PSD3: variants seen among roughly 807,000 people sequenced by gnomAD.
The protein encoded by PSD3 is PH and SEC7 domain-containing protein 3.
A neutral mutation model predicts 105.5 loss-of-function variants in PSD3; 49 were observed. The observed-to-expected ratio is 0.46, with a 90% CI of 0.37 to 0.59. The LOEUF is 0.59. PSD3 is among the 20% of genes least tolerant of loss of function. The pLI, the probability that PSD3 is intolerant of heterozygous loss-of-function variation, is 0.00. For synonymous variants in PSD3, 557 were observed against 457.8 expected (o/e 1.22, Z -2.77); for missense variants, 1,561 against 1,263.8 (o/e 1.24, Z -3.57).
At chr8:18,604,002 A>G (rs1055602082) in intron 11 of PSD3, among the ~76,000 whole-genome samples, 6 of 152,204 alleles carry the variant, frequency 3.9e-5, no homozygotes, top group Non-Finnish European at 7.3e-5. Flanking sequence ...CAGTATGAAA[A>G]TGGACCAATA....
At chr8:18,542,350 G>T (rs997297497) in intron 15 of PSD3, among the ~76,000 whole-genome samples, 6 of 152,096 alleles carry the variant, frequency 3.9e-5, no homozygotes, top group Admixed American at 1.3e-4. Context: ...TTTACCTTTG[G>T]ATACATAATT....
chr8:18,556,991 G>T (rs1456978479), intron 14 of PSD3, among the ~76,000 whole-genome samples: 2 of 152,122 alleles, frequency 1.3e-5, no homozygotes, highest in East Asian at 3.9e-4. Context: ...AGCAATTATT[G>T]CCTTAGTAGC....
intron 1 of PSD3, among the ~76,000 whole-genome samples, chr8:18,995,039 A>T (rs184209641): frequency 8.6e-4 from 131 of 152,208 alleles, no homozygotes; most frequent in Non-Finnish European, 1.2e-3. Context: ...ATTTTCCACA[A>T]GCTGACAAAA....
intron 10 of PSD3, among the ~76,000 whole-genome samples, chr8:18,638,463 C>T (rs1477897537): frequency 2.0e-5 from 3 of 151,748 alleles, no homozygotes; most frequent in African/African-American, 4.8e-5. Context: ...AACCAACACA[C>T]AAAAAATGAG....
At chr8:18,612,630 A>T (rs1372237943) in intron 11 of PSD3, among the ~76,000 whole-genome samples, 1 of 152,122 alleles carries the variant, frequency 6.6e-6, no homozygotes, top group Non-Finnish European at 1.5e-5. Context: ...TCGGCCTCCC[A>T]AAGTGCTGGG....
intron 9 of PSD3, among the ~76,000 whole-genome samples, chr8:18,662,609 C>T (rs921417405): frequency 6.6e-6 from 1 of 152,150 alleles, no homozygotes; most frequent in Non-Finnish European, 1.5e-5. Context: ...ATTTACCTGG[C>T]CCTCATTTTC....
chr8:18,536,710 T>C (rs1301190738), intron 15 of PSD3, among the ~76,000 whole-genome samples: 1 of 152,240 alleles, frequency 6.6e-6, no homozygotes, highest in Admixed American at 6.5e-5. Flanking sequence ...CCTCCGTCTC[T>C]TGGATATCTA....
chr8:18,665,450 A>C (rs1445778872), intron 9 of PSD3, among the ~76,000 whole-genome samples: 2 of 152,254 alleles, frequency 1.3e-5, no homozygotes, highest in African/African-American at 4.8e-5. Context: ...ATGGTAAAAC[A>C]TGAACAGATG....
intron 9 of PSD3, among the ~76,000 whole-genome samples, chr8:18,679,393 G>A (rs1278052775): frequency 1.3e-5 from 2 of 152,230 alleles, no homozygotes; most frequent in Non-Finnish European, 1.5e-5. Context: ...AAAAGCAATG[G>A]ATTAGGCACT....
At chr8:18,759,753 C>G (rs547337244) in intron 9 of PSD3, among the ~76,000 whole-genome samples, 1 of 150,502 alleles carries the variant, frequency 6.6e-6, no homozygotes, top group Admixed American at 6.7e-5. Context: ...AATAACTGAC[C>G]TTCCACCCTT....
In PSD3 at chr8:19,061,734, G is replaced by C. The variant is rs945939788; in HGVS notation, c.324+22472C>G. On this transcript the variant is annotated intron_variant, in intron 1 of 1. Coordinates refer to the PSD3 transcript ENST00000521475. The stretch of plus-strand genomic sequence containing the variant: ...GCAGGAGAATCGCTTGACCCCAGGA[G>C]GCGGAGGTTGCAATGAGCCAAGATT... Among the ~76,000 whole-genome samples the C allele has an allele frequency of 9.2e-5, 14 of 151,934 alleles. No individual in the cohort carries two copies. In the East Asian group the frequency reaches 2.7e-3, roughly 29 times the overall value.
At chr8:18,860,320 T>C (rs1816343377) in intron 4 of PSD3, among the ~76,000 whole-genome samples, 1 of 151,884 alleles carries the variant, frequency 6.6e-6, no homozygotes, top group Non-Finnish European at 1.5e-5. Context: ...ATAACAGATA[T>C]AACAGTAATG....
At chr8:18,973,008 G>C (rs1181262269) in intron 1 of PSD3, among the ~76,000 whole-genome samples, 1 of 152,124 alleles carries the variant, frequency 6.6e-6, no homozygotes, top group Non-Finnish European at 1.5e-5. Context: ...TTCGAATTTG[G>C]ACAAAAATAA....
chr8:18,883,652 C>T (rs1046716691), intron 2 of PSD3, among the ~76,000 whole-genome samples: 27 of 152,136 alleles, frequency 1.8e-4, no homozygotes, highest in African/African-American at 6.5e-4. Flanking sequence ...AAGGACTTTC[C>T]AATTTTTAAA....
intron 14 of PSD3, 129 bp downstream of exon 14, chr8:18,572,399 G>T: frequency 8.9e-7 from 1 of 1,120,600 alleles, no homozygotes; most frequent in Non-Finnish European, 1.3e-6. Context: ...TCATTTATAT[G>T]ATACGCTCTC....
At chr8:18,815,933 T>C (rs1397151949) in intron 4 of PSD3, among the ~76,000 whole-genome samples, 2 of 152,152 alleles carry the variant, frequency 1.3e-5, no homozygotes, top group Non-Finnish European at 2.9e-5. Flanking sequence ...CTTAATTTTG[T>C]GTGCAATGTT....
At chr8:18,939,962 C>A (rs1034085500) in intron 1 of PSD3, 2 of 152,164 alleles carry the variant, frequency 1.3e-5, no homozygotes, top group African/African-American at 4.8e-5. Flanking sequence ...CTAAGTCACA[C>A]GTGCATGTGA....
chr8:18,618,162 G>C (rs1421342371), intron 11 of PSD3, among the ~76,000 whole-genome samples: 2 of 152,206 alleles, frequency 1.3e-5, no homozygotes, highest in African/African-American at 4.8e-5. Flanking sequence ...TAAAGCTTAA[G>C]TCTTTCAAGC....
chr8:18,754,287 G>C (rs932423775), intron 9 of PSD3, among the ~76,000 whole-genome samples: 1 of 151,752 alleles, frequency 6.6e-6, no homozygotes, highest in African/African-American at 2.4e-5. Context: ...GGGAGGCTAA[G>C]ACAGGGGAAT....
Sources: allele counts gnomAD v4.1 joint callset (sites outside exome capture counted in the v4.1 genomes callset), GRCh38; gene constraint gnomAD v4.1.1; transcripts MANE v1.5; gene names NCBI Gene and HGNC (gene_info 2026-07-23, HGNC 2026-07-21).